The following GRAP2 variants were observed in gnomAD, a reference collection of about 807,000 sequenced individuals.
GRAP2 encodes the protein GRB2 related adaptor protein 2, also known as GRB2-related adapter protein 2.
GRAP2 carries 31 observed loss-of-function variants against 43.5 expected under a neutral mutation model. That is an observed-to-expected ratio of 0.71 (90% CI 0.54 to 0.96). The LOEUF is 0.96. Among genes scored for constraint, GRAP2 ranks in the 40% least tolerant of loss-of-function variants. The pLI, the probability that GRAP2 is intolerant of heterozygous loss-of-function variation, is 0.00. For synonymous variants in GRAP2, 156 were observed against 164.8 expected (o/e 0.95, Z 0.41); for missense variants, 371 against 424.4 (o/e 0.87, Z 1.11).
chr22:39,951,923 G>A lies in GRAP2; in HGVS notation c.79-3896G>A, dbSNP rs574366586. Among the ~76,000 whole-genome samples the A allele has an allele frequency of 3.9e-5, 6 of 152,170 alleles. No homozygotes were observed. The South Asian group carries it at 8.3e-4, about 21-fold the overall frequency. The stretch of plus-strand genomic sequence containing the variant: ...GTGGCGGAGAGAAATGGCTGGCATT[G>A]TGGGATAATCTTTCAGTTTCTAGAG... On this transcript the variant is annotated intron_variant, in intron 2 of 7. Transcript: ENST00000344138.
At chr22:39,957,541 C>T (rs569789173) in intron 3 of GRAP2, among the ~76,000 whole-genome samples, 3 of 152,316 alleles carry the variant, frequency 2.0e-5, no homozygotes, top group Non-Finnish European at 2.9e-5. Context: ...CTCTCTTCCA[C>T]GTCAACCTCC....
intron 2 of GRAP2, 155 bp downstream of exon 2, chr22:39,947,339 A>G: frequency 4.8e-6 from 3 of 628,304 alleles, no homozygotes; most frequent in Admixed American, 5.0e-5. Flanking sequence ...CCAGACACCA[A>G]CCAGGCCGGG....
At chr22:39,925,254 A>G (rs2066687347) in intron 1 of GRAP2, among the ~76,000 whole-genome samples, 1 of 152,232 alleles carries the variant, frequency 6.6e-6, no homozygotes, top group Non-Finnish European at 1.5e-5. Flanking sequence ...ACTTGAGATC[A>G]TGAGACCCTG....
In GRAP2 at chr22:39,901,170, A is replaced by G; in HGVS notation, c.-175A>G. On this transcript the variant is annotated 5_prime_UTR_variant, in exon 1 of 8. Coordinates refer to ENST00000344138, the MANE Select transcript of GRAP2 (RefSeq NM_004810.4). ...ACAGTTAATGGATCTGTAAACTTGC[A>G]CCCTCTTTCAGAGTGGTACATGGAA... 1.8e-6 allele frequency: 1 copy of G among 562,890 alleles called. No homozygotes were observed. The highest frequency in any genetic ancestry group is 3.1e-6 in the Non-Finnish European group (1 of 327,088). The allele number at this position is 562,890 out of a possible 1,614,324, so 34.9% of individuals were successfully genotyped here. A position where few individuals can be genotyped will look rare whatever the true frequency, so the allele number is the denominator to read the frequency against.
chr22:39,961,760 A>T (rs2067122258), intron 4 of GRAP2, among the ~76,000 whole-genome samples: 1 of 152,228 alleles, frequency 6.6e-6, no homozygotes, highest in Non-Finnish European at 1.5e-5. Context: ...CTTACTGTCA[A>T]GTTATTGGCA....
chr22:39,916,870 A>T (rs2066607336), intron 1 of GRAP2, among the ~76,000 whole-genome samples: 2 of 150,224 alleles, frequency 1.3e-5, no homozygotes, highest in Non-Finnish European at 3.0e-5. Context: ...TTGGCAGGTG[A>T]TTTTTTTTTT....
the GRAP2 span, among the ~76,000 whole-genome samples, chr22:39,894,599 T>TA: frequency 6.6e-6 from 1 of 152,210 alleles, no homozygotes; most frequent in Non-Finnish European, 1.5e-5. Context: ...ACTGAGAATG[T>TA]AATAGTAGTC....
In GRAP2 at chr22:39,971,798, A is replaced by AT. The variant is rs1448440093; in HGVS notation, c.*718dup. On this transcript the variant is annotated 3_prime_UTR_variant, in exon 8 of 8. Coordinates refer to ENST00000344138, the MANE Select transcript of GRAP2 (RefSeq NM_004810.4). ...GAGCGAAGTACTGGGAAATCGAGGG[A>AT]TTTTCCACAATCCCCAAGCAGCTTA... 2 of 152,230 alleles carry AT rather than the reference A, an allele frequency of 1.3e-5. No homozygotes were observed. Among genetic ancestry groups the AT allele is most frequent in the East Asian group, 1.9e-4 (1 of 5,182 alleles). The allele number at this position is 152,230 out of a possible 1,614,324, so 9.4% of individuals were successfully genotyped here. A position where few individuals can be genotyped will look rare whatever the true frequency, so the allele number is the denominator to read the frequency against.
intron 1 of GRAP2, among the ~76,000 whole-genome samples, chr22:39,908,961 G>A (rs1314419932): frequency 6.6e-6 from 1 of 152,160 alleles, no homozygotes; most frequent in Non-Finnish European, 1.5e-5. Context: ...TCTGTGCTCA[G>A]CCTCACAGAT....
At chr22:39,929,610 C>T (rs775913467) in intron 1 of GRAP2, among the ~76,000 whole-genome samples, 4 of 152,166 alleles carry the variant, frequency 2.6e-5, no homozygotes, top group Non-Finnish European at 5.9e-5. Flanking sequence ...CAAATGAACT[C>T]CTCCGCATGA....
intron 1 of GRAP2, among the ~76,000 whole-genome samples, chr22:39,911,190 T>A (rs1371447729): frequency 2.6e-5 from 4 of 152,212 alleles, no homozygotes; most frequent in Non-Finnish European, 5.9e-5. Context: ...GACTTGATTA[T>A]CCTGATCACT....
Position 39,966,415 on chromosome 22 carries a change from G to C in GRAP2, c.459+257G>C, listed in dbSNP as rs552592988. ...CCTCCCAGAATGGCTGTGAAGGTTG[G>C]AGAAGATAATGTATCCCACGCCTCA... On this transcript the variant is annotated intron_variant, in intron 5 of 7. Coordinates refer to ENST00000344138, the MANE Select transcript of GRAP2 (RefSeq NM_004810.4). Among the ~76,000 whole-genome samples, 21 of 152,312 alleles carry C rather than the reference G, an allele frequency of 1.4e-4. No individual in the cohort carries two copies. The South Asian group carries it at 4.1e-3, about 30-fold the overall frequency.
In GRAP2 at chr22:39,968,406, G is replaced by A. The variant is rs930718033; in HGVS notation, c.690+134G>A. 14 of 963,158 alleles carry A rather than the reference G, an allele frequency of 1.5e-5. No individual in the cohort carries two copies. The African/African-American group carries it at 2.1e-4, about 15-fold the overall frequency. The allele number at this position is 963,158 out of a possible 1,614,324, so 59.7% of individuals were successfully genotyped here. A position where few individuals can be genotyped will look rare whatever the true frequency, so the allele number is the denominator to read the frequency against. On this transcript the variant is annotated intron_variant, in intron 6 of 7. Coordinates refer to ENST00000344138, the MANE Select transcript of GRAP2 (RefSeq NM_004810.4). ...TGGACCCCCCCAAATGGCAGAAATA[G>A]GGAAACTGTTCTTGGCAAAGACATC...
intron 7 of GRAP2, among the ~76,000 whole-genome samples, chr22:39,970,394 G>C (rs1171841771): frequency 6.6e-6 from 1 of 152,164 alleles, no homozygotes; most frequent in African/African-American, 2.4e-5. Flanking sequence ...GATCCATCTT[G>C]ACTTGTGACT....
intron 1 of GRAP2, among the ~76,000 whole-genome samples, chr22:39,917,407 C>T (rs1179312573): frequency 6.6e-6 from 1 of 152,174 alleles, no homozygotes. Context: ...AGATGCTTCT[C>T]GTTCTCAGAC....
chr22:39,964,589 G>C (rs1230361879), intron 4 of GRAP2: 1 of 781,250 alleles, frequency 1.3e-6, no homozygotes, highest in African/African-American at 1.7e-5. Flanking sequence ...TGTGCCTAAG[G>C]AGACGGTGAC....
At chr22:39,897,910 C>T (rs2145559337), upstream of GRAP2, among the ~76,000 whole-genome samples, 1 of 152,286 alleles carries the variant, frequency 6.6e-6, no homozygotes, top group Admixed American at 6.5e-5. Flanking sequence ...CCTTTTAAAA[C>T]TTAAAACCCA....
Position 39,958,404 on chromosome 22 carries a change from A to T in GRAP2, c.171-1651A>T, listed in dbSNP as rs374181552. Among the ~76,000 whole-genome samples the T allele has an allele frequency of 2.6e-5, 4 of 152,108 alleles. No individual in the cohort carries two copies. In the East Asian group the frequency reaches 7.7e-4, roughly 29 times the overall value. On this transcript the variant is annotated intron_variant, in intron 3 of 7. Coordinates refer to ENST00000344138, the MANE Select transcript of GRAP2 (RefSeq NM_004810.4). ...ATCATCTGGCACGCTTCAGATCTTA[A>T]TTATTTTGTTCTTTTGTGTGTGTCC...
At chr22:39,940,408 C>G (rs1352237867) in intron 1 of GRAP2, among the ~76,000 whole-genome samples, 1 of 148,694 alleles carries the variant, frequency 6.7e-6, no homozygotes, top group Non-Finnish European at 1.5e-5. Flanking sequence ...TTCACTTTCC[C>G]ACTTTATTTT....
Sources: gnomAD v4.1 joint callset for allele counts (sites outside exome capture counted in the v4.1 genomes callset) on GRCh38, gnomAD v4.1.1 for gene constraint, MANE v1.5 for transcripts, NCBI Gene and HGNC (gene_info 2026-07-23, HGNC 2026-07-21) for gene names.